Variants in DNAH6 observed in about 807,000 individuals in gnomAD.
The protein encoded by DNAH6 is dynein axonemal heavy chain 6.
A neutral mutation model predicts 491.4 loss-of-function variants in DNAH6; 340 were observed. That is an observed-to-expected ratio of 0.69 (90% CI 0.63 to 0.76). The LOEUF (loss-of-function observed/expected upper bound fraction) is 0.76, where lower values mean the gene tolerates loss of function less well. Among genes scored for constraint, DNAH6 ranks in the 30% least tolerant of loss-of-function variants. The pLI is 0.00. For synonymous variants in DNAH6, 1,603 were observed against 1,686.1 expected, an observed-to-expected ratio of 0.95 and a Z score of 1.21; for missense variants, 4,443 against 4,972.2, an observed-to-expected ratio of 0.89 and a Z score of 3.20.
intron 63 of DNAH6, among the ~76,000 whole-genome samples, chr2:84,754,028 T>C (rs1257183773): frequency 2.0e-5 from 3 of 151,638 alleles, no homozygotes; most frequent in Non-Finnish European, 2.9e-5. Context: ...TTTACCATGT[T>C]GGCCAGAATG....
chr2:84,568,107 AG>A (rs1185464078), intron 11 of DNAH6, among the ~76,000 whole-genome samples: 1 of 152,190 alleles, frequency 6.6e-6, no homozygotes, highest in African/African-American at 2.4e-5. Flanking sequence ...GTGGAGGAAT[AG>A]GAACGCTTTT....
chr2:84,463,919 C>T, the DNAH6 span, among the ~76,000 whole-genome samples: 12 of 152,240 alleles, frequency 7.9e-5, no homozygotes, highest in South Asian at 2.1e-4. Flanking sequence ...TCTGCCTATT[C>T]GATAAATTTT....
At chr2:84,667,534 A>G (rs945164075) in intron 37 of DNAH6, among the ~76,000 whole-genome samples, 1 of 152,176 alleles carries the variant, frequency 6.6e-6, no homozygotes, top group Admixed American at 6.5e-5. Context: ...ACAAATGCAA[A>G]TCAAAACCAC....
At chr2:84,723,055 C>T (rs905454210) in intron 60 of DNAH6, among the ~76,000 whole-genome samples, 1 of 151,962 alleles carries the variant, frequency 6.6e-6, no homozygotes, top group Non-Finnish European at 1.5e-5. Flanking sequence ...TGGAGAAACC[C>T]CATCTCTACT....
chr2:84,483,414 A>G, the DNAH6 span, among the ~76,000 whole-genome samples: 1 of 152,180 alleles, frequency 6.6e-6, no homozygotes, highest in Non-Finnish European at 1.5e-5. Context: ...GCCAGCCAAT[A>G]TTGAGGATAA....
chr2:84,737,275 T>G (rs1191583299), intron 62 of DNAH6, among the ~76,000 whole-genome samples: 1 of 152,098 alleles, frequency 6.6e-6, no homozygotes, highest in Admixed American at 6.5e-5. Context: ...TCAGGGATAT[T>G]GGCCTTTGTT....
chr2:84,669,212 C>T, intron 37 of DNAH6, 77 bp from the exon 38 acceptor site: 4 of 1,143,280 alleles, frequency 3.5e-6, no homozygotes, highest in Admixed American at 4.6e-5. Context: ...GCCTTTTTTT[C>T]TATGTGAGTG....
chr2:84,722,863 A>T, intron 60 of DNAH6, 59 bp downstream of exon 60: 1 of 1,034,338 alleles, frequency 9.7e-7, no homozygotes. Context: ...ACACCTGTTG[A>T]ATTACTTCTT....
chr2:84,501,564 G>A, the DNAH6 span, among the ~76,000 whole-genome samples: 7 of 126,572 alleles, frequency 5.5e-5, no homozygotes, highest in African/African-American at 1.9e-4. Context: ...GAAGTATTCC[G>A]TCCTTTCCTA....
At chr2:84,684,674 A>G (rs1414673855) in intron 42 of DNAH6, among the ~76,000 whole-genome samples, 2 of 152,250 alleles carry the variant, frequency 1.3e-5, no homozygotes, top group African/African-American at 2.4e-5. Context: ...GCCCACATGC[A>G]CAGTAGACAC....
intron 45 of DNAH6, among the ~76,000 whole-genome samples, chr2:84,693,600 G>T (rs958252499): frequency 6.6e-6 from 1 of 152,062 alleles, no homozygotes; most frequent in East Asian, 1.9e-4. Flanking sequence ...AAAATTAGCC[G>T]GGCATGGTGG....
Position 84,813,075 on chromosome 2 carries a change from A to G in DNAH6, c.11943A>G (p.Gly3981=), listed in dbSNP as rs1234823595. Residue 3981 remains glycine (G), a synonymous_variant, in exon 74 of 77, where the codon GGA becomes GGG. Transcript: ENST00000389394. ...TSFVDLWLKR[G]QPKSYWISGF... is the part of the protein sequence containing the mutation. The stretch of plus-strand genomic sequence containing the variant: ...TCCTTCAGCTGTGGCTCAAAAGAGG[A>G]CAGCCTAAGTCCTACTGGATCTCTG... 2 of 1,551,662 alleles carry G rather than the reference A, an allele frequency of 1.3e-6. No homozygotes were observed. The highest frequency in any genetic ancestry group is 1.7e-6 in the Non-Finnish European group (2 of 1,146,784).
At chr2:84,641,241 G>T (rs1212912062) in intron 32 of DNAH6, among the ~76,000 whole-genome samples, 1 of 152,156 alleles carries the variant, frequency 6.6e-6, no homozygotes, top group East Asian at 1.9e-4. Flanking sequence ...CATTGGCTCA[G>T]GTTCTGCACA....
Position 84,577,297 on chromosome 2 carries a change from A to G in DNAH6, c.1965A>G (p.Lys655=). 1 of 1,594,032 alleles carries G rather than the reference A, an allele frequency of 6.3e-7. No individual in the cohort carries two copies. ...GTGAACAACTGGAAAAATATCACAA[A>G]CAGCACAAGGACGCAGTAGCGCTCA... ...FFSEQLEKYH[K]QHKDAVALRP... The change falls in exon 13 of 77, where the codon AAA becomes AAG. Residue 655 remains lysine, a synonymous_variant. Transcript: ENST00000389394.
At chr2:84,748,361 T>C (rs1250047276) in intron 63 of DNAH6, among the ~76,000 whole-genome samples, 1 of 152,222 alleles carries the variant, frequency 6.6e-6, no homozygotes, top group Non-Finnish European at 1.5e-5. Flanking sequence ...ATGGCACTTA[T>C]TGACCACTTT....
Position 84,624,520 on chromosome 2 carries a change from T to C in DNAH6, c.4253T>C (p.Ile1418Thr), listed in dbSNP as rs1199215230. 2.6e-6 allele frequency: 4 copies of C among 1,551,958 alleles called. No individual in the cohort carries two copies. The Admixed American group carries it at 7.8e-5, about 30-fold the overall frequency. ...WQRQLRYYWDIDLDNCVARMA... is the reference protein window; with the variant it reads ...WQRQLRYYWDTDLDNCVARMA... ...AGACAACTGCGCTATTACTGGGATA[T>C]AGACCTGGATAATTGTGTGGCTAGA... is the stretch of plus-strand genomic sequence containing the variant. The change falls in exon 28 of 77, where the codon ATA becomes ACA. Residue 1418 changes from isoleucine to threonine, a missense_variant. By Grantham distance (89) the Ile-to-Thr change is moderately conservative (BLOSUM62 -1). This residue lies in a region of DNAH6 where 2,977 missense variants were observed against 3,296.6 expected (regional missense o/e 0.90). Transcript: ENST00000389394.
intron 29 of DNAH6, among the ~76,000 whole-genome samples, chr2:84,631,934 A>G (rs934606648): frequency 2.6e-5 from 4 of 152,168 alleles, no homozygotes; most frequent in African/African-American, 9.7e-5. Context: ...ATCCTATGAC[A>G]AGTCCTCCTA....
At chr2:84,752,847 T>C (rs1418599674) in intron 63 of DNAH6, among the ~76,000 whole-genome samples, 1 of 152,224 alleles carries the variant, frequency 6.6e-6, no homozygotes. Flanking sequence ...ACTTTCTGAC[T>C]ATTATGAATA....
intron 13 of DNAH6, 92 bp downstream of exon 13, chr2:84,577,500 AT>A (rs1168284297): frequency 3.4e-6 from 3 of 891,896 alleles, no homozygotes; most frequent in Non-Finnish European, 4.8e-6. Context: ...ATTTTATAGT[AT>A]TGCAAATATA....
Sources: allele counts gnomAD v4.1 joint callset (sites outside exome capture counted in the v4.1 genomes callset), GRCh38; gene constraint gnomAD v4.1.1; regional missense constraint gnomAD v4.1.1; transcripts MANE v1.5; gene names NCBI Gene and HGNC (gene_info 2026-07-23, HGNC 2026-07-21).